Variants in NUP210L observed in about 807,000 individuals in gnomAD.
The protein encoded by NUP210L is nuclear pore membrane glycoprotein 210-like.
A neutral mutation model predicts 208.5 loss-of-function variants in NUP210L; 74 were observed. That is an observed-to-expected ratio of 0.35 (90% confidence interval 0.29 to 0.43). The LOEUF is 0.43. Ranked by LOEUF, NUP210L falls within the 20% of genes least tolerant of loss-of-function variation. NUP210L has a pLI of 1.00. For synonymous variants in NUP210L, 780 were observed against 816.9 expected, an observed-to-expected ratio of 0.95 and a Z score of 0.77; for missense variants, 1,843 against 2,289.4, an observed-to-expected ratio of 0.81 and a Z score of 3.98.
chr1:154,018,816 GC>G, intron 33 of NUP210L, 116 bp downstream of exon 33: 1 of 1,198,912 alleles, frequency 8.3e-7, no homozygotes, highest in Admixed American at 2.2e-5. Context: ...TTGCTGGCTG[GC>G]TTTATATCTG....
rs150226608 is a variant in NUP210L at position 154,061,783 on chromosome 1, C to T, written c.2555-109G>A. 3.9e-4 allele frequency: 279 copies of T among 715,908 alleles called. No individual in the cohort carries two copies. The African/African-American group carries it at 4.7e-3, about 12-fold the overall frequency. The allele number at this position is 715,908 out of a possible 1,614,324, so 44.3% of individuals were successfully genotyped here. ...AGTTTTTCCAAATGGTGCTTTATTG[C>T]AGGGGAGGAAAAACTCTCAATGGGG... On this transcript the variant is annotated intron_variant, in intron 17 of 39. Transcript: ENST00000368559.
chr1:154,113,089 G>A (rs552225233), intron 12 of NUP210L, among the ~76,000 whole-genome samples: 163 of 151,316 alleles, frequency 1.1e-3, no homozygotes, highest in African/African-American at 3.9e-3. Context: ...CCCAGGAGAT[G>A]GAGGTTGTAA....
intron 16 of NUP210L, among the ~76,000 whole-genome samples, chr1:154,088,075 C>T (rs531730451): frequency 1.3e-5 from 2 of 152,270 alleles, no homozygotes; most frequent in South Asian, 2.1e-4. Context: ...CGGTAGCTCA[C>T]GCCTCTAATC....
At chr1:154,108,482 G>GT (rs1426260326) in intron 12 of NUP210L, among the ~76,000 whole-genome samples, 1 of 147,790 alleles carries the variant, frequency 6.8e-6, no homozygotes, top group Non-Finnish European at 1.5e-5. Flanking sequence ...GTTTTGATTA[G>GT]TTTTCTCTTT....
At chr1:154,029,789 C>CT in intron 28 of NUP210L, 107 bp downstream of exon 28, 1 of 842,578 alleles carries the variant, frequency 1.2e-6, no homozygotes, top group Non-Finnish European at 1.9e-6. Context: ...AGGAATCGCT[C>CT]TAACAATTAT....
chr1:153,994,840 C>T (rs966290103), intron 38 of NUP210L, among the ~76,000 whole-genome samples: 4 of 151,268 alleles, frequency 2.6e-5, no homozygotes, highest in Non-Finnish European at 4.4e-5. Context: ...GGTGAAACCC[C>T]GTCTCTACTA....
At position 154,006,012 on chromosome 1, in the gene NUP210L, G is replaced by A. The variant is rs553605263; in HGVS notation, c.4930+3960C>T. On this transcript the variant is annotated intron_variant, in intron 35 of 39. Coordinates refer to ENST00000368559, the Ensembl canonical transcript of NUP210L. ...GCTGGGATTACAGGCATGAGCCACC[G>A]CGCCCCGCCCTAATTTTGTATTTTT... Among the ~76,000 whole-genome samples the A allele has an allele frequency of 5.2e-4, 79 of 151,988 alleles. 2 individuals are homozygous for A. Among genetic ancestry groups the A allele is most frequent in the Non-Finnish European group, 4.0e-4 (27 of 67,982 alleles).
chr1:154,057,973 G>A lies in NUP210L; in HGVS notation c.3107+116C>T. The A allele has an allele frequency of 2.6e-6, 3 of 1,134,178 alleles. No individual in the cohort carries two copies. In the South Asian group the frequency reaches 4.4e-5, roughly 17 times the overall value. 70.3% of individuals were successfully genotyped at this position (1,134,178 alleles called of 1,614,324 possible). A position where few individuals can be genotyped will look rare whatever the true frequency, so the allele number is the denominator to read the frequency against. On this transcript the variant is annotated intron_variant, in intron 22 of 39. Transcript: ENST00000368559. The stretch of plus-strand genomic sequence containing the variant: ...GTATGGGCTGAAATGTATTCTAACA[G>A]AAAAGGAATGGAGAAAATCTGAAAT...
chr1:154,149,087 C>CTTTTTTTTTTT lies in NUP210L; in HGVS notation c.340+3638_340+3648dup, dbSNP rs770217261. On this transcript the variant is annotated intron_variant, in intron 2 of 39. Coordinates refer to ENST00000368559, the Ensembl canonical transcript of NUP210L. ...ACTACTTCAACAGCAGAAAACTTCTCTTTTTTTTTTTTCCTGAGAAGGAGT... is the reference window on the plus strand; with the variant it reads ...ACTACTTCAACAGCAGAAAACTTCTCTTTTTTTTTTTTTTTTTTTTTTTCCTGAGAAGGAGT... 1.0e-3 allele frequency among the ~76,000 whole-genome samples: 124 copies of CTTTTTTTTTTT among 119,326 alleles called. 3 individuals carry two copies. The highest frequency in any genetic ancestry group is 2.5e-3 in the African/African-American group (82 of 32,184). The allele number at this position is 119,326 out of a possible 152,430, so 78.3% of individuals were successfully genotyped here. A position where few individuals can be genotyped will look rare whatever the true frequency, so the allele number is the denominator to read the frequency against.
intron 32 of NUP210L, among the ~76,000 whole-genome samples, chr1:154,020,306 T>C (rs1183884155): frequency 6.6e-6 from 1 of 152,240 alleles, no homozygotes. Context: ...CTTTGGGATA[T>C]GATATTTGGA....
At chr1:154,126,003 C>T (rs1462778519) in intron 10 of NUP210L, among the ~76,000 whole-genome samples, 1 of 151,410 alleles carries the variant, frequency 6.6e-6, no homozygotes, top group Non-Finnish European at 1.5e-5. Flanking sequence ...CTCCTGACCT[C>T]GTGATCCGCC....
At chr1:154,122,350 A>T (rs1293130445) in intron 10 of NUP210L, among the ~76,000 whole-genome samples, 1 of 152,172 alleles carries the variant, frequency 6.6e-6, no homozygotes, top group Non-Finnish European at 1.5e-5. Context: ...ACCCATTAGG[A>T]TGGCTATTAT....
Position 154,135,763 on chromosome 1 carries a change from G to A in NUP210L, c.1009+51C>T, listed in dbSNP as rs544376419. The A allele has an allele frequency of 1.3e-4, 187 of 1,474,966 alleles. 1 individual carries two copies. The Admixed American group carries it at 3.1e-3, about 24-fold the overall frequency. The allele number at this position is 1,474,966 out of a possible 1,614,324, so 91.4% of individuals were successfully genotyped here. ...ATTATTTTACCAAAGAACATGTCTA[G>A]GATGCTCAAGGAAGTGTAGACTGGC... On this transcript the variant is annotated intron_variant, in intron 7 of 39. Transcript: ENST00000368559.
exon 23 of NUP210L, chr1:154,056,831 G>T (rs546277158): frequency 6.3e-7 from 1 of 1,588,716 alleles, no homozygotes; most frequent in African/African-American, 1.4e-5. Context: ...GTGCCGAGGA[G>T]TTGATGTGTA....
intron 22 of NUP210L, among the ~76,000 whole-genome samples, chr1:154,057,550 G>A (rs1653931415): frequency 6.6e-6 from 1 of 152,076 alleles, no homozygotes; most frequent in African/African-American, 2.4e-5. Context: ...ATACCAGTAT[G>A]TCTGCCTCTA....
At chr1:154,100,205 T>A (rs1269017978) in intron 13 of NUP210L, 62 bp from the exon 14 acceptor site, 2 of 1,515,154 alleles carry the variant, frequency 1.3e-6, no homozygotes, top group Admixed American at 1.7e-5. Flanking sequence ...ATCCCAGCAC[T>A]TTGGGAGGCC....
chr1:154,123,511 A>T (rs1406028634), intron 10 of NUP210L, among the ~76,000 whole-genome samples: 3 of 152,134 alleles, frequency 2.0e-5, no homozygotes. Context: ...CCATATGTAC[A>T]TTTTCTTTGT....
intron 16 of NUP210L, among the ~76,000 whole-genome samples, chr1:154,083,426 A>G (rs1346607399): frequency 6.6e-6 from 1 of 152,112 alleles, no homozygotes; most frequent in Non-Finnish European, 1.5e-5. Flanking sequence ...AACTTCAGCA[A>G]ATTAATTGAA....
intron 7 of NUP210L, among the ~76,000 whole-genome samples, 171 bp downstream of exon 7, chr1:154,135,643 G>A (rs1161582326): frequency 3.3e-5 from 5 of 151,838 alleles, no homozygotes; most frequent in Admixed American, 2.0e-4. Context: ...GGATGGTCTC[G>A]ATCTCCTGAC....
Sources: allele counts gnomAD v4.1 joint callset (sites outside exome capture counted in the v4.1 genomes callset), GRCh38; gene constraint gnomAD v4.1.1; transcripts MANE v1.5; gene names NCBI Gene and HGNC (gene_info 2026-07-23, HGNC 2026-07-21).